Variants in CDYL observed in about 807,000 individuals in gnomAD.
CDYL encodes the protein chromodomain Y like.
Under a neutral mutation model 47.3 loss-of-function variants are expected in CDYL, and 8 were observed. The ratio of observed to expected loss-of-function variants is 0.17; its 90% CI spans 0.10 to 0.31. The LOEUF (loss-of-function observed/expected upper bound fraction) is 0.31. Ranked by LOEUF, CDYL falls within the 10% of genes least tolerant of loss-of-function variation. The probability of loss-of-function intolerance (pLI) is 1.00; values close to 1 mark genes in which losing one functional copy is unlikely to be tolerated. For missense variants in CDYL, 471 were observed against 701.4 expected (o/e 0.67, Z 3.71); for synonymous variants, 266 against 265.0 (o/e 1.00, Z -0.04).
chr6:4,745,830 G>T (rs1438719757), intron 3 of CDYL, among the ~76,000 whole-genome samples: 2 of 152,148 alleles, frequency 1.3e-5, no homozygotes, highest in Non-Finnish European at 2.9e-5. Context: ...ATAGAAGCTT[G>T]CCAAGTGTGG....
intron 1 of CDYL, among the ~76,000 whole-genome samples, chr6:4,810,920 T>A (rs75257624): frequency 6.6e-6 from 1 of 152,196 alleles, no homozygotes; most frequent in East Asian, 1.9e-4. Context: ...CATAGGAAAT[T>A]TTGGGGGACA....
rs1561697537 is a variant in CDYL, at chr6:4,900,796, T to TCTATATCTATATAGATATAG, written c.691+8417_691+8418insCTATATCTATATAGATATAG. On this transcript the variant is annotated intron_variant, in intron 2 of 6. Transcript: ENST00000397588. The stretch of plus-strand genomic sequence containing the variant: ...ATACGTGTGTATATATATATATATA[T>TCTATATCTATATAGATATAG]ATATATATATATATATATATATATA... Among the ~76,000 whole-genome samples the TCTATATCTATATAGATATAG allele has an allele frequency of 9.8e-4, 70 of 71,644 alleles. 1 individual carries two copies. The highest frequency in any genetic ancestry group is 4.7e-3 in the African/African-American group (68 of 14,470). The allele number at this position is 71,644 out of a possible 152,430, so 47.0% of individuals were successfully genotyped here.
intron 1 of CDYL, among the ~76,000 whole-genome samples, chr6:4,848,219 C>A (rs547351788): frequency 6.6e-6 from 1 of 152,054 alleles, no homozygotes; most frequent in Non-Finnish European, 1.5e-5. Context: ...GGCAAGCTCT[C>A]GAACAGTGTC....
chr6:4,909,983 T>G (rs1295687882), intron 2 of CDYL, among the ~76,000 whole-genome samples: 1 of 152,128 alleles, frequency 6.6e-6, no homozygotes, highest in African/African-American at 2.4e-5. Flanking sequence ...TTGGCCAATT[T>G]CTTTCCTCCT....
intron 1 of CDYL, among the ~76,000 whole-genome samples, chr6:4,783,372 T>C (rs1758669154): frequency 6.6e-6 from 1 of 152,010 alleles, no homozygotes; most frequent in Admixed American, 6.5e-5. Context: ...CTTCTGAAGA[T>C]GGTGCTCCAT....
rs1762071256 is a variant in CDYL at position 4,892,283 on chromosome 6, A to C, written c.595A>C (p.Arg199=). Residue 199 remains arginine (R), a synonymous_variant, in exon 2 of 7, where the codon AGG becomes CGG. Transcript: ENST00000397588. The part of the protein sequence containing the change: ...ALLGPGAERA[R]MGSRPRIHPL... ...ATTGGGCCCCGGTGCCGAGAGGGCC[A>C]GGATGGGGAGCAGGCCCAGGATACA... 1 of 1,614,198 alleles carries C rather than the reference A, an allele frequency of 6.2e-7. No homozygotes were observed. Among genetic ancestry groups the C allele is most frequent in the South Asian group, 1.1e-5 (1 of 91,084 alleles).
chr6:4,843,502 G>T (rs1460376692), intron 1 of CDYL, among the ~76,000 whole-genome samples: 1 of 147,052 alleles, frequency 6.8e-6, no homozygotes, highest in African/African-American at 2.6e-5. Flanking sequence ...CTTCTCAGAG[G>T]CTTTTTCTTT....
At chr6:4,721,851 A>G (rs771473079) in intron 2 of CDYL, among the ~76,000 whole-genome samples, 1 of 151,872 alleles carries the variant, frequency 6.6e-6, no homozygotes, top group Non-Finnish European at 1.5e-5. Context: ...ATCATAATTA[A>G]GAATTTTTGT....
chr6:4,946,653 G>A (rs554966007), intron 5 of CDYL, among the ~76,000 whole-genome samples: 31 of 152,252 alleles, frequency 2.0e-4, no homozygotes, highest in South Asian at 6.2e-4. Flanking sequence ...CATCTGCCGC[G>A]GGCCCTGCCT....
intron 2 of CDYL, among the ~76,000 whole-genome samples, chr6:4,720,319 GATCT>G (rs1397619497): frequency 6.6e-6 from 1 of 152,198 alleles, no homozygotes; most frequent in African/African-American, 2.4e-5. Context: ...AATGACGACT[GATCT>G]TTCTTTCCAA....
In CDYL at chr6:4,736,864, A is replaced by G. The variant is rs58537750; in HGVS notation, c.186+2020A>G. On this transcript the variant is annotated intron_variant, in intron 3 of 8. Coordinates refer to the CDYL transcript ENST00000328908. ...TCACTTAATTCAACAAATTACATCT[A>G]TCATGTTTCAAGTGCTTTGTTTATC... Among the ~76,000 whole-genome samples, 670 of 152,290 alleles carry G rather than the reference A, an allele frequency of 4.4e-3. 3 individuals carry two copies. The highest frequency in any genetic ancestry group is 0.015 in the African/African-American group (633 of 41,558).
chr6:4,899,108 G>A lies in CDYL; in HGVS notation c.691+6729G>A, dbSNP rs567361435. Among the ~76,000 whole-genome samples, 9 of 152,262 alleles carry A rather than the reference G, an allele frequency of 5.9e-5. No individual in the cohort carries two copies. In the East Asian group the frequency reaches 1.3e-3, roughly 23 times the overall value. On this transcript the variant is annotated intron_variant, in intron 2 of 6. Coordinates refer to ENST00000397588, the MANE Select transcript of CDYL (RefSeq NM_004824.4). ...TTTTGACAACAGTTTTTAGTCTAGA[G>A]CCTTTCCAAATCATTCAATGTAGTT...
intron 3 of CDYL, among the ~76,000 whole-genome samples, chr6:4,936,822 CTAAGAGCCGCAATTTGCCTTAT>C (rs1431308554): frequency 5.4e-4 from 82 of 151,446 alleles, no homozygotes; most frequent in African/African-American, 1.9e-3. Context: ...CTTGCCTTAT[CTAAGAGCCGCAATTTGCCTTAT>C]CTAAGAGCCG....
chr6:4,942,097 C>T (rs1758375715), intron 4 of CDYL, among the ~76,000 whole-genome samples: 1 of 152,208 alleles, frequency 6.6e-6, no homozygotes, highest in Non-Finnish European at 1.5e-5. Flanking sequence ...GGTTGTCTGA[C>T]ACTCTGATCA....
In CDYL at chr6:4,937,437, A is replaced by G. The variant is rs555565892; in HGVS notation, c.949-128A>G. 1.3e-5 allele frequency: 8 copies of G among 629,830 alleles called. No individual in the cohort carries two copies. The South Asian group carries it at 1.5e-4, about 12-fold the overall frequency. 39.0% of individuals were successfully genotyped at this position (629,830 alleles called of 1,614,324 possible). ...TTTGAGCCCAGGAGTTAGAGAGCAC[A>G]GTGAGCCTTGATTAAACCACTGCAC... On this transcript the variant is annotated intron_variant, in intron 3 of 6. Coordinates refer to ENST00000397588, the MANE Select transcript of CDYL (RefSeq NM_004824.4).
At chr6:4,925,381 G>C (rs1757836473) in intron 2 of CDYL, among the ~76,000 whole-genome samples, 1 of 147,480 alleles carries the variant, frequency 6.8e-6, no homozygotes, top group South Asian at 2.2e-4. Flanking sequence ...TTATGCGTCT[G>C]TCCTCATTAC....
chr6:4,907,017 T>C (rs368145782), intron 2 of CDYL, among the ~76,000 whole-genome samples: 4 of 152,262 alleles, frequency 2.6e-5, no homozygotes, highest in African/African-American at 9.6e-5. Flanking sequence ...GTGCATGTAA[T>C]AAGCAGTTCC....
At chr6:4,870,981 G>A (rs542562539) in intron 1 of CDYL, among the ~76,000 whole-genome samples, 15 of 152,142 alleles carry the variant, frequency 9.9e-5, no homozygotes, top group Non-Finnish European at 2.1e-4. Flanking sequence ...CAAATTCTAG[G>A]CAAACTTAGT....
intron 6 of CDYL, among the ~76,000 whole-genome samples, chr6:4,953,333 G>C (rs984306180): frequency 3.3e-5 from 5 of 151,684 alleles, no homozygotes; most frequent in African/African-American, 1.2e-4. Flanking sequence ...GCAGTGAGCG[G>C]AGATCCCGCC....
Sources: allele counts gnomAD v4.1 joint callset (sites outside exome capture counted in the v4.1 genomes callset), GRCh38; gene constraint gnomAD v4.1.1; transcripts MANE v1.5; gene names NCBI Gene and HGNC (gene_info 2026-07-23, HGNC 2026-07-21).